The following PSG2 variants were observed in gnomAD, a reference collection of about 807,000 sequenced individuals.
The protein encoded by PSG2 is pregnancy specific beta-1-glycoprotein 2.
Under a neutral mutation model 36.2 loss-of-function variants are expected in PSG2, and 49 were observed. That is an observed-to-expected ratio of 1.35 (90% CI 1.08 to 1.72). The LOEUF is 1.72. Ranked by LOEUF, PSG2 falls within the 40% of genes most tolerant of loss-of-function variation. PSG2 has a pLI of 0.00. For synonymous variants in PSG2, 261 were observed against 155.6 expected, an observed-to-expected ratio of 1.68 and a Z score of -5.04; for missense variants, 605 against 407.2, an observed-to-expected ratio of 1.49 and a Z score of -4.18.
rs767788947 is a variant in PSG2, at chr19:43,071,936, C to G, written c.728G>C (p.Arg243Thr). 1 of 1,612,616 alleles carries G rather than the reference C, an allele frequency of 6.2e-7. No homozygotes were observed. The highest frequency in any genetic ancestry group is 2.2e-5 in the East Asian group (1 of 44,874). The change falls in exon 4 of 6, where the codon AGA becomes ACA. Residue 243 changes from arginine to threonine, a missense_variant. Coordinates refer to ENST00000406487, the MANE Select transcript of PSG2 (RefSeq NM_031246.4). ...LNLLHGPDLP[R>T]IHPSYTNYRS... is the part of the protein sequence containing the mutation. Reference sequence around the variant, plus strand: ...GTAATTGGTGTATGAAGGGTGAATTCTGGGGAGGTCTGGACCATCTGGAGC... The same window carrying G: ...GTAATTGGTGTATGAAGGGTGAATTGTGGGGAGGTCTGGACCATCTGGAGC...
intron 3 of PSG2, among the ~76,000 whole-genome samples, chr19:43,074,561 T>C (rs151276957): frequency 1.7e-4 from 26 of 151,724 alleles, no homozygotes; most frequent in Non-Finnish European, 2.6e-4. Flanking sequence ...CAAAAGCTGG[T>C]GGTTTTGGAG....
intron 2 of PSG2, among the ~76,000 whole-genome samples, chr19:43,079,602 G>C (rs577167542): frequency 6.6e-6 from 1 of 151,794 alleles, no homozygotes; most frequent in East Asian, 1.9e-4. Context: ...ATCCTCTCAT[G>C]ACAGTGACAT....
At position 43,071,872 on chromosome 19, in the gene PSG2, G is replaced by C. The variant is rs775032979; in HGVS notation, c.792C>G (p.Asn264Lys). Residue 264 changes from asparagine to lysine, a missense_variant, in exon 4 of 6, where the codon AAC (asparagine) becomes AAG (lysine). By Grantham distance (94) the Asn-to-Lys change is moderately conservative. Coordinates refer to ENST00000406487, the MANE Select transcript of PSG2 (RefSeq NM_031246.4). ...GDNLYLSCFA[N>K]SNPPAQYSWT... is the part of the protein sequence containing the mutation. ...AAGAATACTGTGCCGGTGGGTTAGAGTTCGCGAAGCAAGACAAGTAGAGGT... is the reference window on the plus strand; with the variant it reads ...AAGAATACTGTGCCGGTGGGTTAGACTTCGCGAAGCAAGACAAGTAGAGGT... 2 of 1,613,116 alleles carry C rather than the reference G, an allele frequency of 1.2e-6. No homozygotes were observed.
At chr19:43,072,564 C>T (rs1370344758) in intron 3 of PSG2, 15 of 1,611,136 alleles carry the variant, frequency 9.3e-6, no homozygotes, top group Admixed American at 1.7e-5. Context: ...CAGGTGAAGG[C>T]TAATACATCC....
At chr19:43,076,998 A>G (rs1222977914) in intron 2 of PSG2, among the ~76,000 whole-genome samples, 1 of 151,568 alleles carries the variant, frequency 6.6e-6, no homozygotes, top group Non-Finnish European at 1.5e-5. Context: ...GGGATGCTCA[A>G]TTCGTAATAC....
At chr19:43,068,501 C>T (rs557219745) in intron 4 of PSG2, among the ~76,000 whole-genome samples, 5 of 148,646 alleles carry the variant, frequency 3.4e-5, no homozygotes, top group South Asian at 2.1e-4. Flanking sequence ...AAAAATGAAG[C>T]GATTACTACC....
intron 4 of PSG2, among the ~76,000 whole-genome samples, chr19:43,069,853 C>G (rs1312535438): frequency 6.6e-6 from 1 of 151,650 alleles, no homozygotes; most frequent in Non-Finnish European, 1.5e-5. Context: ...TCATAAAAAT[C>G]AAAACCTTTT....
At chr19:43,077,825 T>C (rs1967918969) in intron 2 of PSG2, among the ~76,000 whole-genome samples, 1 of 151,842 alleles carries the variant, frequency 6.6e-6, no homozygotes. Flanking sequence ...TGAACTTTCC[T>C]GTTTCAGTTT....
chr19:43,080,559 A>C (rs528689190), intron 2 of PSG2, among the ~76,000 whole-genome samples: 24 of 151,788 alleles, frequency 1.6e-4, no homozygotes, highest in Non-Finnish European at 2.6e-4. Context: ...AGCCCTGCTC[A>C]GTTCTCCAGG....
chr19:43,065,093 C>T (rs1467805244), intron 5 of PSG2, among the ~76,000 whole-genome samples: 1 of 151,752 alleles, frequency 6.6e-6, no homozygotes, highest in Non-Finnish European at 1.5e-5. Context: ...CCTCGGCCTC[C>T]CAAACTCCTG....
chr19:43,072,536 C>T (rs3928558), intron 3 of PSG2: 836,664 of 1,603,586 alleles, frequency 0.52, 236,613 homozygotes, highest in East Asian at 1. Flanking sequence ...GTAGGTGTAG[C>T]TCTCACTCTT....
rs141842407 is a variant in PSG2 at position 43,079,674 on chromosome 19, G to A, written c.430+1207C>T. Among the ~76,000 whole-genome samples, 15 of 151,400 alleles carry A rather than the reference G, an allele frequency of 9.9e-5. No homozygotes were observed. In the East Asian group the frequency reaches 2.5e-3, roughly 25 times the overall value. On this transcript the variant is annotated intron_variant, in intron 2 of 5. Coordinates refer to ENST00000406487, the MANE Select transcript of PSG2 (RefSeq NM_031246.4). ...ATGGGGGTTAAGATCTGAGAGGGAG[G>A]CCTGCTCATGTTTTTTGCACTGATT...
rs930555157 is a variant in PSG2 at position 43,064,637 on chromosome 19, G to T, written c.*41-36C>A. The T allele has an allele frequency of 3.7e-5, 22 of 594,052 alleles. 1 individual carries two copies. The highest frequency in any genetic ancestry group is 2.7e-4 in the African/African-American group (14 of 52,636). The allele number at this position is 594,052 out of a possible 1,614,324, so 36.8% of individuals were successfully genotyped here. A position where few individuals can be genotyped will look rare whatever the true frequency, so the allele number is the denominator to read the frequency against. On this transcript the variant is annotated intron_variant, in intron 5 of 5. Transcript: ENST00000406487. ...AAGCAATTTTGGACTGTAGGTGATT[G>T]TAAGTAGTTTGAGGAAGAATCAAAG...
At chr19:43,077,535 G>A (rs1387751670) in intron 2 of PSG2, among the ~76,000 whole-genome samples, 1 of 151,642 alleles carries the variant, frequency 6.6e-6, no homozygotes, top group Non-Finnish European at 1.5e-5. Context: ...TAAGTGAGAT[G>A]CCAATGGCTC....
chr19:43,070,901 C>T (rs1698022355), intron 4 of PSG2, among the ~76,000 whole-genome samples: 1 of 151,676 alleles, frequency 6.6e-6, no homozygotes, highest in African/African-American at 2.4e-5. Context: ...CTGCCCTTTT[C>T]CTGCCATGCA....
chr19:43,068,360 G>A (rs1206073581), intron 4 of PSG2, among the ~76,000 whole-genome samples: 3 of 150,924 alleles, frequency 2.0e-5, no homozygotes, highest in Non-Finnish European at 2.9e-5. Context: ...AATTGCTTGA[G>A]CCCAGGAGGT....
intron 2 of PSG2, among the ~76,000 whole-genome samples, chr19:43,079,380 G>A (rs767005235): frequency 6.6e-6 from 1 of 151,384 alleles, no homozygotes; most frequent in Non-Finnish European, 1.5e-5. Flanking sequence ...ATGAAACATG[G>A]GTGTCAGCTT....
rs1248127139 is a variant in PSG2, at chr19:43,079,651, G to A, written c.430+1230C>T. 3.4e-5 allele frequency among the ~76,000 whole-genome samples: 5 copies of A among 149,096 alleles called. No individual in the cohort carries two copies. In the East Asian group the frequency reaches 7.7e-4, roughly 23 times the overall value. ...AACACAGGGTTTCAGGTTCAGTGATGGGGGTTAAGATCTGAGAGGGAGGCC... is the reference window on the plus strand; with the variant it reads ...AACACAGGGTTTCAGGTTCAGTGATAGGGGTTAAGATCTGAGAGGGAGGCC... On this transcript the variant is annotated intron_variant, in intron 2 of 5. Transcript: ENST00000406487.
rs763895119 is a variant in PSG2 at position 43,082,582 on chromosome 19, C to T, written c.-13G>A. The T allele has an allele frequency of 4.8e-5, 77 of 1,610,952 alleles. 1 individual carries two copies. The highest frequency in any genetic ancestry group is 2.6e-4 in the African/African-American group (19 of 74,166). ...AGAGGGGCCCCATGGTCTCTGCTGC[C>T]TGTGTGTTCTCCTCTGTGGAGATGA... On this transcript the variant is annotated 5_prime_UTR_variant, in exon 1 of 6. Transcript: ENST00000406487.
Sources: gnomAD v4.1 joint callset for allele counts (sites outside exome capture counted in the v4.1 genomes callset) on GRCh38, gnomAD v4.1.1 for gene constraint, MANE v1.5 for transcripts, NCBI Gene and HGNC (gene_info 2026-07-23, HGNC 2026-07-21) for gene names.